Variants in CSMD1 observed in about 807,000 individuals in gnomAD.
CSMD1 encodes the protein CUB and Sushi multiple domains 1.
CSMD1 carries 213 observed loss-of-function variants against 417.5 expected under a neutral mutation model. The observed-to-expected ratio is 0.51, with a 90% confidence interval of 0.46 to 0.57. The LOEUF (loss-of-function observed/expected upper bound fraction) is 0.57. Among genes scored for constraint, CSMD1 ranks in the 20% least tolerant of loss-of-function variants. The pLI, the probability that CSMD1 is intolerant of heterozygous loss-of-function variation, is 0.00. For missense variants in CSMD1, 6,923 were observed against 4,529.7 expected (o/e 1.53, Z -15.17); for synonymous variants, 2,862 against 1,736.8 (o/e 1.65, Z -16.11).
At chr8:3,959,483 A>G (rs1422856295) in intron 5 of CSMD1, among the ~76,000 whole-genome samples, 1 of 152,230 alleles carries the variant, frequency 6.6e-6, no homozygotes, top group African/African-American at 2.4e-5. Flanking sequence ...TGGATGACTG[A>G]GCGAGACTCC....
At chr8:4,077,815 G>C (rs1055094590) in intron 3 of CSMD1, among the ~76,000 whole-genome samples, 1 of 152,020 alleles carries the variant, frequency 6.6e-6, no homozygotes, top group Non-Finnish European at 1.5e-5. Context: ...TGTTCCATGG[G>C]AATTTTCAGA....
intron 2 of CSMD1, among the ~76,000 whole-genome samples, chr8:4,428,250 C>G (rs1169217615): frequency 6.6e-6 from 1 of 152,184 alleles, no homozygotes; most frequent in Non-Finnish European, 1.5e-5. Context: ...AACTAGGAGA[C>G]TATCAACTTG....
intron 3 of CSMD1, among the ~76,000 whole-genome samples, chr8:4,336,824 G>A (rs529057644): frequency 6.6e-6 from 1 of 152,116 alleles, no homozygotes; most frequent in Non-Finnish European, 1.5e-5. Context: ...AGTAACTAGA[G>A]ATGGAATGAA....
intron 2 of CSMD1, among the ~76,000 whole-genome samples, chr8:4,461,065 T>G (rs1434088974): frequency 1.3e-5 from 2 of 150,652 alleles, no homozygotes; most frequent in African/African-American, 5.0e-5. Context: ...ATATACTGTG[T>G]CCAAGTGCTA....
At chr8:2,984,868 T>A (rs1175477653) in intron 54 of CSMD1, among the ~76,000 whole-genome samples, 1 of 152,206 alleles carries the variant, frequency 6.6e-6, no homozygotes. Context: ...CACACATATT[T>A]ATGCACGTAT....
intron 10 of CSMD1, among the ~76,000 whole-genome samples, chr8:3,541,203 G>C (rs889755973): frequency 1.3e-5 from 2 of 152,174 alleles, no homozygotes; most frequent in African/African-American, 4.8e-5. Context: ...GCAGCCATAA[G>C]AAGGAATGAG....
intron 3 of CSMD1, among the ~76,000 whole-genome samples, chr8:4,312,973 AG>A (rs1463718668): frequency 6.6e-6 from 1 of 152,224 alleles, no homozygotes; most frequent in African/African-American, 2.4e-5. Flanking sequence ...TTGACCTGCA[AG>A]GTAAGTTTTG....
At chr8:3,088,839 C>A (rs1175963856) in intron 48 of CSMD1, among the ~76,000 whole-genome samples, 2 of 78,942 alleles carry the variant, frequency 2.5e-5, no homozygotes. Context: ...AATCACTGTG[C>A]TAGTAAAAAA....
At chr8:3,062,557 T>TAA (rs71199533) in intron 49 of CSMD1, among the ~76,000 whole-genome samples, 44 of 140,194 alleles carry the variant, frequency 3.1e-4, no homozygotes, top group East Asian at 4.3e-4. Flanking sequence ...CAAAACACAT[T>TAA]AAAAAAAAAA....
At chr8:4,411,183 A>G (rs186351942) in intron 3 of CSMD1, among the ~76,000 whole-genome samples, 1 of 152,302 alleles carries the variant, frequency 6.6e-6, no homozygotes, top group East Asian at 1.9e-4. Flanking sequence ...CAGGTAACAC[A>G]GCAACATAAA....
intron 2 of CSMD1, among the ~76,000 whole-genome samples, chr8:4,460,236 A>C (rs142885049): frequency 6.6e-6 from 1 of 152,298 alleles, no homozygotes; most frequent in African/African-American, 2.4e-5. Flanking sequence ...AAATTTCTAA[A>C]AACCCAAAGG....
intron 1 of CSMD1, among the ~76,000 whole-genome samples, chr8:4,836,096 G>A (rs1303334460): frequency 6.6e-6 from 1 of 152,086 alleles, no homozygotes; most frequent in East Asian, 1.9e-4. Flanking sequence ...TGCAAGAAAA[G>A]ATCAACTGTC....
chr8:4,750,075 G>A (rs531213848), intron 1 of CSMD1, among the ~76,000 whole-genome samples: 1 of 152,096 alleles, frequency 6.6e-6, no homozygotes, highest in South Asian at 2.1e-4. Flanking sequence ...GGGCGATCTC[G>A]GCTCACCGCA....
intron 7 of CSMD1, among the ~76,000 whole-genome samples, chr8:3,684,157 TTATATAA>T (rs1482067385): frequency 6.9e-6 from 1 of 144,754 alleles, no homozygotes; most frequent in African/African-American, 2.5e-5. Flanking sequence ...ATGTTATAAT[TTATATAA>T]TATATATTTA....
chr8:4,659,187 C>G (rs1384627382), intron 1 of CSMD1, among the ~76,000 whole-genome samples: 2 of 151,836 alleles, frequency 1.3e-5, no homozygotes, highest in Non-Finnish European at 2.9e-5. Flanking sequence ...AAAACGAGGA[C>G]ACACAAAAAT....
chr8:3,351,243 G>C (rs1012549800), intron 21 of CSMD1, among the ~76,000 whole-genome samples: 1 of 152,088 alleles, frequency 6.6e-6, no homozygotes, highest in Non-Finnish European at 1.5e-5. Flanking sequence ...ATTACTCTAG[G>C]GTAGTGTGGC....
At chr8:3,243,567 A>G (rs1289310378) in intron 26 of CSMD1, among the ~76,000 whole-genome samples, 2 of 151,914 alleles carry the variant, frequency 1.3e-5, no homozygotes, top group Non-Finnish European at 2.9e-5. Flanking sequence ...TGCACAAGAT[A>G]ATGTCATCAG....
intron 50 of CSMD1, among the ~76,000 whole-genome samples, chr8:3,031,062 C>A (rs1477860484): frequency 1.3e-5 from 2 of 151,676 alleles, no homozygotes; most frequent in Non-Finnish European, 2.9e-5. Context: ...AATGTTTAAC[C>A]TAATGATAAA....
intron 3 of CSMD1, among the ~76,000 whole-genome samples, chr8:4,198,836 T>A (rs1799488022): frequency 1.3e-5 from 2 of 152,170 alleles, no homozygotes; most frequent in Non-Finnish European, 2.9e-5. Context: ...AAGTACCATC[T>A]CAGGAGAGAC....
Sources: gnomAD v4.1 joint callset for allele counts (sites outside exome capture counted in the v4.1 genomes callset) on GRCh38, gnomAD v4.1.1 for gene constraint, MANE v1.5 for transcripts, NCBI Gene and HGNC (gene_info 2026-07-23, HGNC 2026-07-21) for gene names.